Variants in RADX observed in about 807,000 individuals in gnomAD.
The protein encoded by RADX is RPA1 related single stranded DNA binding protein, X-linked.
RADX carries 36 observed loss-of-function variants against 61.6 expected under a neutral mutation model. That is an observed-to-expected ratio of 0.58 (90% CI 0.45 to 0.77). The LOEUF is 0.77. Among genes scored for constraint, RADX ranks in the 30% least tolerant of loss-of-function variants. The probability of loss-of-function intolerance (pLI) is 0.00; values close to 1 mark genes in which losing one functional copy is unlikely to be tolerated. For missense variants in RADX, 497 were observed against 651.1 expected, an observed-to-expected ratio of 0.76 and a Z score of 2.58; for synonymous variants, 272 against 237.9, an observed-to-expected ratio of 1.14 and a Z score of -1.32.
chrX:106,656,384 CTG>C, intron 11 of RADX, among the ~76,000 whole-genome samples: 1 of 111,725 alleles, frequency 9.0e-6, no homozygotes, highest in Non-Finnish European at 1.9e-5. Context: ...TTCTAAACTC[CTG>C]TTCATGTTGA....
chrX:106,639,677 A>G lies in RADX; in HGVS notation c.1724A>G (p.Glu575Gly). ...SSATESASAS[E>G]TLRNANRPST... ...GCGACTGAAAGTGCCTCAGCATCAG[A>G]AACACTTCGGGTATGGTGCCAGAGA... The change falls in exon 9 of 14, where the codon GAA becomes GGA. Residue 575 changes from glutamate to glycine, a missense_variant. Glu to Gly is a moderately conservative substitution (Grantham distance 98). Transcript: ENST00000372548. 1 of 1,184,908 alleles carries G rather than the reference A, an allele frequency of 8.4e-7. No individual in the cohort carries two copies. The highest frequency in any genetic ancestry group is 1.9e-5 in the South Asian group (1 of 51,470).
Position 106,678,174 on chromosome X carries a change from C to T in RADX, c.2484C>T (p.Val828=), listed in dbSNP as rs1603068257. The T allele has an allele frequency of 4.3e-6, 5 of 1,175,901 alleles. No homozygotes were observed. Among genetic ancestry groups the T allele is most frequent in the Non-Finnish European group, 4.6e-6 (4 of 863,545 alleles). The change falls in exon 14 of 14, where the codon GTC becomes GTT. Residue 828 remains valine (V), a synonymous_variant. Coordinates refer to ENST00000372548, the MANE Select transcript of RADX (RefSeq NM_018015.6). ...AATELDRVHI[V]GILDICNLGN... is the part of the protein sequence containing the mutation. ...CTGAACTGGATAGAGTGCATATCGT[C>T]GGTATCTTGGATATCTGTAATTTGG...
chrX:106,612,331 G>T lies in RADX; in HGVS notation c.251G>T (p.Arg84Leu). Residue 84 changes from arginine to leucine, a missense_variant, in exon 1 of 14, where the codon CGC becomes CTC. This residue lies in a region of RADX where 196 missense variants were observed against 315.0 expected (regional missense o/e 0.62). Coordinates refer to ENST00000372548, the MANE Select transcript of RADX (RefSeq NM_018015.6). ...AGGTACCTGTTAGAGGATGAGCCAC[G>T]CGACACGGTGCCCAAGCCTCCCCTT... ...VQRYLLEDEP[R>L]DTVPKPPLYC... 2.5e-6 allele frequency: 3 copies of T among 1,211,763 alleles called. No homozygotes were observed. The highest frequency in any genetic ancestry group is 3.3e-6 in the Non-Finnish European group (3 of 895,575).
At chrX:106,658,955 T>G (rs1182287283) in intron 11 of RADX, among the ~76,000 whole-genome samples, 1 of 50,953 alleles carries the variant, frequency 2.0e-5, no homozygotes, top group Non-Finnish European at 3.9e-5. Flanking sequence ...CCTCCATACA[T>G]CCCATTACAT....
At chrX:106,656,091 G>A (rs1048359451) in intron 11 of RADX, among the ~76,000 whole-genome samples, 3 of 111,988 alleles carry the variant, frequency 2.7e-5, no homozygotes, top group Non-Finnish European at 5.6e-5. Context: ...TATCTATTAT[G>A]CTAAGCTTAT....
rs770432898 is a variant in RADX, at chrX:106,636,461, G to C, written c.1304-82G>C. ...GTGATTTCTTTGTGCATTAAAGTTT[G>C]AGAAGCATTGTGTTAGATCCTGATC... On this transcript the variant is annotated intron_variant, in intron 6 of 13. Coordinates refer to ENST00000372548, the MANE Select transcript of RADX (RefSeq NM_018015.6). 1.7e-3 allele frequency: 905 copies of C among 535,881 alleles called. 2 individuals carry two copies. Among genetic ancestry groups the C allele is most frequent in the Non-Finnish European group, 2.6e-3 (848 of 320,422 alleles). 44.2% of individuals were successfully genotyped at this position (535,881 alleles called of 1,213,427 possible).
At chrX:106,658,704 T>C (rs1928009088) in intron 11 of RADX, among the ~76,000 whole-genome samples, 1 of 112,277 alleles carries the variant, frequency 8.9e-6, no homozygotes, top group Non-Finnish European at 1.9e-5. Flanking sequence ...AGTTTCATGA[T>C]AACTTTGGCT....
chrX:106,638,213 G>GGT (rs757736489), intron 8 of RADX: 147 of 189,352 alleles, frequency 7.8e-4, no homozygotes, highest in Middle Eastern at 5.7e-3. Context: ...GATATAGGTT[G>GGT]AGTATTCCTA....
intron 1 of RADX, among the ~76,000 whole-genome samples, chrX:106,622,168 G>A (rs539682527): frequency 2.4e-4 from 27 of 110,541 alleles, no homozygotes; most frequent in South Asian, 1.5e-3. Flanking sequence ...CAAACTCCTC[G>A]GCACAAGCAA....
intron 13 of RADX, 52 bp from the exon 14 acceptor site, chrX:106,678,076 A>C (rs1928551322): frequency 1.1e-6 from 1 of 873,372 alleles, no homozygotes; most frequent in African/African-American, 2.0e-5. Flanking sequence ...TACTAAAGTC[A>C]AGTAAATATT....
At chrX:106,662,569 C>T (rs1340574257) in intron 12 of RADX, among the ~76,000 whole-genome samples, 1 of 110,144 alleles carries the variant, frequency 9.1e-6, no homozygotes, top group Non-Finnish European at 1.9e-5. Context: ...TCCTGACTAT[C>T]AGTCAGCTTC....
At chrX:106,640,405 T>G in intron 9 of RADX, 147 bp from the exon 10 acceptor site, 1 of 403,050 alleles carries the variant, frequency 2.5e-6, no homozygotes, top group Non-Finnish European at 4.3e-6. Context: ...TGGATTAGAT[T>G]CAATCATTTT....
In RADX at chrX:106,678,162, A is replaced by C; in HGVS notation, c.2472A>C (p.Arg824Ser). 8.5e-7 allele frequency: 1 copy of C among 1,179,757 alleles called. No homozygotes were observed. The highest frequency in any genetic ancestry group is 1.8e-5 in the South Asian group (1 of 56,093). Residue 824 changes from arginine to serine, a missense_variant, in exon 14 of 14, where the codon AGA (arginine) becomes AGC (serine). Around this residue, in one of 3 missense-constraint regions of RADX, gnomAD observed 267 missense variants for 306.9 expected, o/e 0.87. Transcript: ENST00000372548. ...DIIKAATELD[R>S]VHIVGILDIC... The stretch of plus-strand genomic sequence containing the variant: ...TAAAAGCAGCAACTGAACTGGATAG[A>C]GTGCATATCGTCGGTATCTTGGATA...
At chrX:106,674,020 A>G (rs1227033933) in intron 13 of RADX, among the ~76,000 whole-genome samples, 1 of 110,724 alleles carries the variant, frequency 9.0e-6, no homozygotes, top group African/African-American at 3.3e-5. Flanking sequence ...GTACCCTGCC[A>G]TGGCTGCACC....
Position 106,671,990 on chromosome X carries a change from T to C in RADX, c.2437+2660T>C, listed in dbSNP as rs148210176. Among the ~76,000 whole-genome samples, 697 of 111,757 alleles carry C rather than the reference T, an allele frequency of 6.2e-3. 3 individuals carry two copies. The highest frequency in any genetic ancestry group is 0.011 in the Non-Finnish European group (584 of 53,158). On this transcript the variant is annotated intron_variant, in intron 13 of 13. Coordinates refer to ENST00000372548, the MANE Select transcript of RADX (RefSeq NM_018015.6). ...GTAATTTTACTCATATGTACTCAAA[T>C]ACACTAGACTTTTTATCTTGTAGCT...
At chrX:106,653,064 ACAAAAGCTG>A (rs1184591732) in intron 11 of RADX, among the ~76,000 whole-genome samples, 5 of 109,240 alleles carry the variant, frequency 4.6e-5, no homozygotes, top group Non-Finnish European at 7.6e-5. Flanking sequence ...CAAAATAAAG[ACAAAAGCTG>A]CAAAAGCTGC....
intron 11 of RADX, among the ~76,000 whole-genome samples, chrX:106,660,214 C>T (rs1043044598): frequency 8.7e-4 from 97 of 111,645 alleles, no homozygotes; most frequent in Middle Eastern, 4.8e-3. Flanking sequence ...TTGATCTTTT[C>T]GTGTGTGACT....
Position 106,636,566 on chromosome X carries a change from T to C in RADX, c.1327T>C (p.Leu443=). Residue 443 remains leucine (L), a synonymous_variant, in exon 7 of 14, where the codon TTG becomes CTG. Coordinates refer to ENST00000372548, the MANE Select transcript of RADX (RefSeq NM_018015.6). ...AGTGGCATATTTTGTGTGTACACAG[T>C]TGAAAGTTGTCAGAAATGACAATCA... ...YPMAYFVCTQ[L]KVVRNDNQVP... 8.3e-7 allele frequency: 1 copy of C among 1,198,504 alleles called. No homozygotes were observed. The highest frequency in any genetic ancestry group is 3.0e-5 in the East Asian group (1 of 33,736).
intron 12 of RADX, among the ~76,000 whole-genome samples, chrX:106,665,455 G>A (rs1372768774): frequency 1.8e-5 from 2 of 111,161 alleles, no homozygotes; most frequent in African/African-American, 6.5e-5. Flanking sequence ...TTGTTCTTTT[G>A]ATTTTTTTAA....
Sources: allele counts gnomAD v4.1 joint callset (sites outside exome capture counted in the v4.1 genomes callset), GRCh38; gene constraint gnomAD v4.1.1; regional missense constraint gnomAD v4.1.1; transcripts MANE v1.5; gene names NCBI Gene and HGNC (gene_info 2026-07-23, HGNC 2026-07-21).